The following AGAP1 variants were observed in gnomAD, a reference collection of about 807,000 sequenced individuals.
The protein encoded by AGAP1 is arf-GAP with GTPase, ANK repeat and PH domain-containing protein 1.
A neutral mutation model predicts 105.3 loss-of-function variants in AGAP1; 29 were observed. The ratio of observed to expected loss-of-function variants is 0.28; its 90% CI spans 0.21 to 0.38. The LOEUF is 0.38. Among genes scored for constraint, AGAP1 ranks in the 10% least tolerant of loss-of-function variants. The pLI is 1.00. For missense variants in AGAP1, 998 were observed against 1,165.1 expected (o/e 0.86, Z 2.09); for synonymous variants, 509 against 485.9 (o/e 1.05, Z -0.63).
At chr2:235,955,210 A>G (rs2053896035) in intron 12 of AGAP1, among the ~76,000 whole-genome samples, 1 of 152,144 alleles carries the variant, frequency 6.6e-6, no homozygotes, top group African/African-American at 2.4e-5. Flanking sequence ...GTTCCAGTTC[A>G]TGGAGCACTG....
chr2:235,727,410 A>G (rs563278654), intron 3 of AGAP1, among the ~76,000 whole-genome samples: 4 of 152,226 alleles, frequency 2.6e-5, no homozygotes, highest in African/African-American at 4.8e-5. Context: ...CCCAGCTTGC[A>G]CGGTTTGAAC....
intron 6 of AGAP1, among the ~76,000 whole-genome samples, chr2:235,763,470 C>T (rs1316156698): frequency 6.6e-6 from 1 of 152,120 alleles, no homozygotes; most frequent in African/African-American, 2.4e-5. Context: ...GGTTTTTTAT[C>T]CCTCTGTATT....
Position 235,769,673 on chromosome 2 carries a change from T to A in AGAP1, c.673+19185T>A, listed in dbSNP as rs2149837701. On this transcript the variant is annotated intron_variant, in intron 6 of 17. Transcript: ENST00000304032. The surrounding 1 kb of genome is among the most constrained non-coding windows in gnomAD (Gnocchi z 4.4). Reference sequence around the variant, plus strand: ...ATATACAATTAATTGCTGTAAAATATCGTGGTCAAAATCTCGGGGAGGCAG... The same window carrying A: ...ATATACAATTAATTGCTGTAAAATAACGTGGTCAAAATCTCGGGGAGGCAG... Among the ~76,000 whole-genome samples the A allele has an allele frequency of 6.6e-6, 1 of 152,072 alleles. No individual in the cohort carries two copies. The highest frequency in any genetic ancestry group is 2.1e-4 in the South Asian group (1 of 4,792).
intron 1 of AGAP1, among the ~76,000 whole-genome samples, chr2:235,573,197 C>A (rs1391051104): frequency 6.6e-6 from 1 of 150,726 alleles, no homozygotes. Flanking sequence ...ATCTCCTGGG[C>A]TCAAGTGCTC....
intron 9 of AGAP1, among the ~76,000 whole-genome samples, chr2:235,858,382 TA>T (rs1202460598): frequency 1.3e-5 from 1 of 78,430 alleles, no homozygotes; most frequent in African/African-American, 5.3e-5. Context: ...GCTTACTGAT[TA>T]AAAACATTTT....
At chr2:236,030,488 C>T (rs557215552) in intron 13 of AGAP1, among the ~76,000 whole-genome samples, 1 of 152,322 alleles carries the variant, frequency 6.6e-6, no homozygotes, top group Non-Finnish European at 1.5e-5. Context: ...CCTTTCCTTG[C>T]AGGATTGCCA....
At chr2:236,069,311 CAT>C (rs1259950382) in intron 16 of AGAP1, among the ~76,000 whole-genome samples, 4 of 151,830 alleles carry the variant, frequency 2.6e-5, no homozygotes, top group East Asian at 3.8e-4. Context: ...GAATATATAT[CAT>C]AAAATCTTAC....
intron 9 of AGAP1, among the ~76,000 whole-genome samples, chr2:235,846,438 T>G (rs1305376838): frequency 6.6e-6 from 1 of 151,406 alleles, no homozygotes; most frequent in African/African-American, 2.4e-5. Flanking sequence ...GCGATTATTC[T>G]GCCTCAGCCT....
At chr2:235,652,681 C>T (rs1229009193) in intron 1 of AGAP1, among the ~76,000 whole-genome samples, 2 of 151,860 alleles carry the variant, frequency 1.3e-5, no homozygotes, top group Admixed American at 6.6e-5. Flanking sequence ...CACGTGAGGT[C>T]GGGAGTTCAA....
intron 1 of AGAP1, among the ~76,000 whole-genome samples, chr2:235,606,093 G>A (rs1228729126): frequency 6.6e-6 from 1 of 152,234 alleles, no homozygotes; most frequent in Non-Finnish European, 1.5e-5. Context: ...CTTGTAAACA[G>A]TGTTGAATAT....
chr2:235,546,498 A>G (rs758676053), intron 1 of AGAP1, among the ~76,000 whole-genome samples: 26 of 152,154 alleles, frequency 1.7e-4, no homozygotes, highest in Non-Finnish European at 7.4e-5. Context: ...TGTGCCTGGG[A>G]CCCGCATGTC....
intron 12 of AGAP1, among the ~76,000 whole-genome samples, chr2:235,966,959 CAAAAT>C (rs932632658): frequency 6.6e-6 from 1 of 152,170 alleles, no homozygotes; most frequent in Non-Finnish European, 1.5e-5. Context: ...TAGAACTTCA[CAAAAT>C]AAAAATATTT....
rs953483922 is a variant in AGAP1 at position 235,715,202 on chromosome 2, C to T, written c.223-2355C>T. Among the ~76,000 whole-genome samples the T allele has an allele frequency of 3.3e-5, 5 of 152,234 alleles. No individual in the cohort carries two copies. The East Asian group carries it at 9.6e-4, about 29-fold the overall frequency. ...CCCTTTATTTCCATCTCTCCTCCCT[C>T]CCATCCTTCTTCCTTGTCATCCATC... On this transcript the variant is annotated intron_variant, in intron 2 of 17. Transcript: ENST00000304032.
Position 235,875,062 on chromosome 2 carries a change from G to A in AGAP1, c.1051-8283G>A, listed in dbSNP as rs2049647652. On this transcript the variant is annotated intron_variant, in intron 9 of 17. Coordinates refer to ENST00000304032, the MANE Select transcript of AGAP1 (RefSeq NM_001037131.3). The surrounding 1 kb of genome is among the most constrained non-coding windows in gnomAD (Gnocchi z 4.0). ...GGGAGAAGAACCCTGGAGGCCAAAGGCAGTATTCCTGGGGTCCTGGGATGG... is the reference window on the plus strand; with the variant it reads ...GGGAGAAGAACCCTGGAGGCCAAAGACAGTATTCCTGGGGTCCTGGGATGG... 2.6e-5 allele frequency among the ~76,000 whole-genome samples: 4 copies of A among 152,122 alleles called. No individual in the cohort carries two copies. The highest frequency in any genetic ancestry group is 4.8e-5 in the African/African-American group (2 of 41,428).
intron 3 of AGAP1, among the ~76,000 whole-genome samples, chr2:235,735,444 G>A (rs993038480): frequency 9.9e-5 from 15 of 152,248 alleles, no homozygotes; most frequent in African/African-American, 2.2e-4. Flanking sequence ...TCAACCTCGC[G>A]TGAGTGCAGA....
intron 14 of AGAP1, among the ~76,000 whole-genome samples, chr2:236,039,356 G>A (rs1159854169): frequency 3.9e-5 from 6 of 152,180 alleles, no homozygotes; most frequent in African/African-American, 1.4e-4. Context: ...GAGGTGGGAG[G>A]ACCACTTGAG....
Position 235,872,512 on chromosome 2 carries a change from A to G in AGAP1, c.1051-10833A>G, listed in dbSNP as rs991848203. On this transcript the variant is annotated intron_variant, in intron 9 of 17. Coordinates refer to ENST00000304032, the MANE Select transcript of AGAP1 (RefSeq NM_001037131.3). The surrounding 1 kb of genome is among the most constrained non-coding windows in gnomAD (Gnocchi z 4.5). ...ACAGGGGCCATTGGCACTCACTGAC[A>G]GGAACTCTCTTCCTGAGCATCTCAG... Among the ~76,000 whole-genome samples the G allele has an allele frequency of 6.6e-6, 1 of 152,214 alleles. No homozygotes were observed. The highest frequency in any genetic ancestry group is 1.5e-5 in the Non-Finnish European group (1 of 68,038).
At chr2:235,876,167 A>C (rs1383174490) in intron 9 of AGAP1, among the ~76,000 whole-genome samples, 3 of 152,144 alleles carry the variant, frequency 2.0e-5, no homozygotes, top group Non-Finnish European at 4.4e-5. Context: ...TTGAAATTGC[A>C]AATACTTGTA....
rs1209248625 is a variant in AGAP1, at chr2:235,689,757, T to TGTAC, written c.164-19419_164-19416dup. 6.6e-6 allele frequency among the ~76,000 whole-genome samples: 1 copy of TGTAC among 152,194 alleles called. No individual in the cohort carries two copies. Among genetic ancestry groups the TGTAC allele is most frequent in the East Asian group, 1.9e-4 (1 of 5,174 alleles). On this transcript the variant is annotated intron_variant, in intron 1 of 17. Transcript: ENST00000304032. The surrounding 1 kb of genome is among the most constrained non-coding windows in gnomAD (Gnocchi z 4.2). Reference sequence around the variant, plus strand: ...CTGTTGGTAAACTGTCCTGCATGTGTGTACGTGCACACTTGTGTGACGTGT... The same window carrying TGTAC: ...CTGTTGGTAAACTGTCCTGCATGTGTGTACGTACGTGCACACTTGTGTGACGTGT...
Sources: allele counts gnomAD v4.1 joint callset (sites outside exome capture counted in the v4.1 genomes callset), GRCh38; gene constraint gnomAD v4.1.1; non-coding constraint Gnocchi (gnomAD v3.1); transcripts MANE v1.5; gene names NCBI Gene and HGNC (gene_info 2026-07-23, HGNC 2026-07-21).